The following IRAK3 variants were observed in gnomAD, a reference collection of about 807,000 sequenced individuals.
IRAK3 encodes the protein interleukin 1 receptor associated kinase 3.
A neutral mutation model predicts 56.6 loss-of-function variants in IRAK3; 57 were observed. That is an observed-to-expected ratio of 1.01 (90% confidence interval 0.81 to 1.26). IRAK3 has a LOEUF of 1.26. Ranked by LOEUF, IRAK3 falls within the 50% of genes most tolerant of loss-of-function variation. The pLI, the probability that IRAK3 is intolerant of heterozygous loss-of-function variation, is 0.00. For missense variants in IRAK3, 703 were observed against 719.0 expected (o/e 0.98, Z 0.25); for synonymous variants, 258 against 255.7 (o/e 1.01, Z -0.09).
chr12:66,234,971 A>G (rs550706364), intron 8 of IRAK3: 1 of 1,614,094 alleles, frequency 6.2e-7, no homozygotes, highest in East Asian at 2.2e-5. Context: ...GTCAAAGTCG[A>G]CAAAACCATA....
intron 8 of IRAK3, among the ~76,000 whole-genome samples, chr12:66,231,806 A>C (rs1422971648): frequency 1.3e-5 from 2 of 152,250 alleles, no homozygotes; most frequent in African/African-American, 4.8e-5. Context: ...CAGAAGAATG[A>C]GGACTGTGGT....
chr12:66,200,820 T>C (rs1203993984), intron 1 of IRAK3, among the ~76,000 whole-genome samples: 1 of 152,078 alleles, frequency 6.6e-6, no homozygotes, highest in African/African-American at 2.4e-5. Context: ...TTTTGTGTGT[T>C]TGTGTGTGGA....
intron 8 of IRAK3, among the ~76,000 whole-genome samples, chr12:66,229,857 T>C (rs2052826154): frequency 1.3e-5 from 2 of 152,332 alleles, no homozygotes; most frequent in East Asian, 1.9e-4. Context: ...ATATCTGGAA[T>C]GTTGCTAAAC....
chr12:66,217,773 T>A (rs1345934975), intron 6 of IRAK3, among the ~76,000 whole-genome samples: 3 of 152,202 alleles, frequency 2.0e-5, no homozygotes, highest in African/African-American at 7.2e-5. Flanking sequence ...TCTAACCCTG[T>A]AGAGTTCACT....
chr12:66,230,888 C>A (rs2052837758), intron 8 of IRAK3, among the ~76,000 whole-genome samples: 1 of 152,172 alleles, frequency 6.6e-6, no homozygotes, highest in Non-Finnish European at 1.5e-5. Flanking sequence ...ATCAGAGAGA[C>A]CTTCCACTTA....
At chr12:66,231,311 A>G (rs1283299160) in intron 8 of IRAK3, among the ~76,000 whole-genome samples, 2 of 152,204 alleles carry the variant, frequency 1.3e-5, no homozygotes, top group African/African-American at 4.8e-5. Context: ...CAGGAGTTCA[A>G]GACCAGCTTG....
chr12:66,235,266 C>T lies in IRAK3; in HGVS notation c.887+6896C>T. On this transcript the variant is annotated intron_variant, in intron 8 of 11. Coordinates refer to ENST00000261233, the MANE Select transcript of IRAK3 (RefSeq NM_007199.3). ...CAGTTGCTGCTGCCCCCGGGGTTGC[C>T]GCTGCTGCTGGGGAAGATCATCGCT... The T allele has an allele frequency of 1.9e-6, 3 of 1,557,572 alleles. No individual in the cohort carries two copies. The South Asian group carries it at 3.5e-5, about 18-fold the overall frequency.
chr12:66,222,389 A>G (rs562525531), intron 6 of IRAK3, among the ~76,000 whole-genome samples: 14 of 151,738 alleles, frequency 9.2e-5, no homozygotes, highest in African/African-American at 2.7e-4. Context: ...TTTCTTCATG[A>G]TTCAGTCTTG....
chr12:66,219,517 G>T (rs974149674), intron 6 of IRAK3, among the ~76,000 whole-genome samples: 1 of 152,194 alleles, frequency 6.6e-6, no homozygotes. Flanking sequence ...TCTTTCTTTT[G>T]TAAATTGCCC....
At position 66,249,764 on chromosome 12, in the gene IRAK3, C is replaced by G. The variant is rs1233175898; in HGVS notation, c.*1593C>G. ...TGTCTCACCGCATCTCTTCACTACC[C>G]TCTTCCTCTCATTCTGGCCCTTCTG... On this transcript the variant is annotated 3_prime_UTR_variant, in exon 12 of 12. Transcript: ENST00000261233. The G allele has an allele frequency of 6.6e-6, 1 of 152,218 alleles. No individual in the cohort carries two copies. Among genetic ancestry groups the G allele is most frequent in the Non-Finnish European group, 1.5e-5 (1 of 68,042 alleles). 9.4% of individuals were successfully genotyped at this position (152,218 alleles called of 1,614,324 possible). A position where few individuals can be genotyped will look rare whatever the true frequency, so the allele number is the denominator to read the frequency against.
rs1319160651 is a variant in IRAK3 at position 66,249,852 on chromosome 12, CTG to C, written c.*1685_*1686del. ...CCACTCATATAAGCCAGGAAAATCT[CTG>C]TGTCTCAGATCCTTAATTTAATTAC... On this transcript the variant is annotated 3_prime_UTR_variant, in exon 12 of 12. Transcript: ENST00000261233. 6.6e-6 allele frequency: 1 copy of C among 152,172 alleles called. No homozygotes were observed. The highest frequency in any genetic ancestry group is 1.5e-5 in the Non-Finnish European group (1 of 68,028). The allele number at this position is 152,172 out of a possible 1,614,324, so 9.4% of individuals were successfully genotyped here.
intron 2 of IRAK3, among the ~76,000 whole-genome samples, chr12:66,206,502 C>T (rs897405634): frequency 2.0e-5 from 3 of 152,074 alleles, no homozygotes; most frequent in African/African-American, 7.2e-5. Context: ...GTCCTTCATT[C>T]TGTTAATGTG....
chr12:66,247,295 AC>A (rs879621099), intron 11 of IRAK3, among the ~76,000 whole-genome samples: 1 of 152,032 alleles, frequency 6.6e-6, no homozygotes, highest in Non-Finnish European at 1.5e-5. Context: ...AAACAAACAA[AC>A]AAAACAAGAA....
intron 1 of IRAK3, among the ~76,000 whole-genome samples, chr12:66,199,118 A>G (rs2052483469): frequency 6.6e-6 from 1 of 152,198 alleles, no homozygotes; most frequent in East Asian, 1.9e-4. Context: ...GAAATTTGAT[A>G]TTTAGAGTTC....
chr12:66,197,016 T>C, intron 1 of IRAK3: 1 of 1,531,136 alleles, frequency 6.5e-7, no homozygotes, highest in African/African-American at 1.4e-5. Context: ...CATATTTGCA[T>C]ATGGAGACGT....
intron 8 of IRAK3, among the ~76,000 whole-genome samples, chr12:66,231,160 T>G (rs1037736998): frequency 5.3e-5 from 8 of 152,120 alleles, no homozygotes; most frequent in Non-Finnish European, 8.8e-5. Context: ...CAATTTATAG[T>G]GTTTGAAAAG....
chr12:66,215,616 A>C (rs1301243698), intron 5 of IRAK3, among the ~76,000 whole-genome samples: 3 of 152,142 alleles, frequency 2.0e-5, no homozygotes. Flanking sequence ...TACCCTTTTC[A>C]AGAATTTAGT....
At chr12:66,220,745 C>A (rs928505019) in intron 6 of IRAK3, among the ~76,000 whole-genome samples, 1 of 151,966 alleles carries the variant, frequency 6.6e-6, no homozygotes, top group Non-Finnish European at 1.5e-5. Context: ...CGGTCTCGAT[C>A]TCCTGACCTC....
rs778411736 is a variant in IRAK3, at chr12:66,209,441, A to G, written c.317-15A>G. The G allele has an allele frequency of 1.3e-6, 2 of 1,577,236 alleles. No homozygotes were observed. The highest frequency in any genetic ancestry group is 1.7e-6 in the Non-Finnish European group (2 of 1,147,024). On this transcript the variant is annotated splice_polypyrimidine_tract_variant and intron_variant, in intron 2 of 11. Coordinates refer to ENST00000261233, the MANE Select transcript of IRAK3 (RefSeq NM_007199.3). ...AAAATTTTTTTGTATCTACCTTCCCATATTTCTCTTTCAGGAGCAGTGTTG... is the reference window on the plus strand; with the variant it reads ...AAAATTTTTTTGTATCTACCTTCCCGTATTTCTCTTTCAGGAGCAGTGTTG...
Sources: gnomAD v4.1 joint callset for allele counts (sites outside exome capture counted in the v4.1 genomes callset) on GRCh38, gnomAD v4.1.1 for gene constraint, MANE v1.5 for transcripts, NCBI Gene and HGNC (gene_info 2026-07-23, HGNC 2026-07-21) for gene names.